Variants in CNTNAP2 observed in about 807,000 individuals in gnomAD.
CNTNAP2 encodes the protein contactin-associated protein-like 2.
Under a neutral mutation model 155.2 loss-of-function variants are expected in CNTNAP2, and 98 were observed. That is an observed-to-expected ratio of 0.63 (90% CI 0.54 to 0.75). The LOEUF is 0.75. Ranked by LOEUF, CNTNAP2 falls within the 30% of genes least tolerant of loss-of-function variation. The pLI, the probability that CNTNAP2 is intolerant of heterozygous loss-of-function variation, is 0.00. For synonymous variants in CNTNAP2, 651 were observed against 631.2 expected (o/e 1.03, Z -0.47); for missense variants, 1,727 against 1,688.1 (o/e 1.02, Z -0.40).
chr7:146,439,170 G>T (rs1796284966), intron 1 of CNTNAP2, among the ~76,000 whole-genome samples: 2 of 151,390 alleles, frequency 1.3e-5, no homozygotes, highest in Admixed American at 1.3e-4. Context: ...CAGAGAAGGG[G>T]ACTATGTATC....
At chr7:148,084,190 A>G (rs1162449541) in intron 15 of CNTNAP2, among the ~76,000 whole-genome samples, 2 of 152,220 alleles carry the variant, frequency 1.3e-5, no homozygotes, top group Non-Finnish European at 2.9e-5. Flanking sequence ...TAATGCGTTC[A>G]TTACTCTAGA....
At chr7:147,884,898 G>C (rs1046184827) in intron 13 of CNTNAP2, among the ~76,000 whole-genome samples, 1 of 136,040 alleles carries the variant, frequency 7.4e-6, no homozygotes, top group Non-Finnish European at 1.6e-5. Context: ...CCAGTTTGAT[G>C]TGTTATAAAC....
chr7:146,307,998 GCTT>G (rs1246971194), intron 1 of CNTNAP2, among the ~76,000 whole-genome samples: 3 of 152,108 alleles, frequency 2.0e-5, no homozygotes, highest in African/African-American at 4.8e-5. Context: ...AAACTAAAGA[GCTT>G]CTGCACAGCA....
In CNTNAP2 at chr7:147,248,535, G is replaced by A. The variant is rs928574497; in HGVS notation, c.1349-51606G>A. Among the ~76,000 whole-genome samples the A allele has an allele frequency of 3.3e-5, 5 of 152,300 alleles. No homozygotes were observed. In the South Asian group the frequency reaches 8.3e-4, roughly 25 times the overall value. ...ATTTTCTGTAACAAAAGGGTTTGAT[G>A]AGTTACTTTTCTTGTGACCAAACTC... On this transcript the variant is annotated intron_variant, in intron 8 of 23. Transcript: ENST00000361727.
intron 2 of CNTNAP2, among the ~76,000 whole-genome samples, chr7:146,824,105 CA>C (rs1803352512): frequency 6.6e-6 from 1 of 152,076 alleles, no homozygotes; most frequent in Non-Finnish European, 1.5e-5. Context: ...TCTCATTTTT[CA>C]GCTCCCACTT....
chr7:147,034,442 G>A (rs78899414), intron 3 of CNTNAP2, among the ~76,000 whole-genome samples: 8,616 of 152,194 alleles, frequency 0.057, 330 homozygotes, highest in Middle Eastern at 0.13. Flanking sequence ...CCATGGCGGT[G>A]TCTAGGGTTT....
chr7:146,901,236 C>G (rs549920770), intron 3 of CNTNAP2, among the ~76,000 whole-genome samples: 1 of 151,970 alleles, frequency 6.6e-6, no homozygotes, highest in Non-Finnish European at 1.5e-5. Context: ...TTAATTCACC[C>G]GAGCCTCAAC....
At chr7:146,707,645 T>G (rs145709717) in intron 1 of CNTNAP2, among the ~76,000 whole-genome samples, 2 of 152,184 alleles carry the variant, frequency 1.3e-5, no homozygotes, top group Non-Finnish European at 2.9e-5. Context: ...TCTTTAAATT[T>G]TTAGTTCAAC....
rs368254011 is a variant in CNTNAP2 at position 146,601,962 on chromosome 7, A to G, written c.98-172309A>G. Among the ~76,000 whole-genome samples the G allele has an allele frequency of 4.6e-5, 7 of 152,264 alleles. No individual in the cohort carries two copies. In the East Asian group the frequency reaches 1.2e-3, roughly 25 times the overall value. ...TTTAAAGAAAGTAAAAAAAATAAAT[A>G]AATAAAGATTGAACCCAAATGGATG... On this transcript the variant is annotated intron_variant, in intron 1 of 23. Transcript: ENST00000361727.
chr7:146,765,999 C>A (rs1802188187), intron 1 of CNTNAP2, among the ~76,000 whole-genome samples: 2 of 152,010 alleles, frequency 1.3e-5, no homozygotes, highest in East Asian at 3.9e-4. Context: ...GAGATATCTT[C>A]AGGGCCAGAC....
intron 1 of CNTNAP2, among the ~76,000 whole-genome samples, chr7:146,669,341 A>C (rs559900247): frequency 7.2e-5 from 11 of 152,270 alleles, no homozygotes; most frequent in Admixed American, 2.6e-4. Context: ...TCTGAATAGA[A>C]ACCTATTTAA....
chr7:146,224,321 T>G (rs2116902246), intron 1 of CNTNAP2, among the ~76,000 whole-genome samples: 1 of 152,210 alleles, frequency 6.6e-6, no homozygotes, highest in Non-Finnish European at 1.5e-5. Flanking sequence ...TTATAAGATG[T>G]TATAATTGAC....
intron 1 of CNTNAP2, among the ~76,000 whole-genome samples, chr7:146,611,969 A>C (rs1228357658): frequency 6.6e-6 from 1 of 152,176 alleles, no homozygotes; most frequent in Non-Finnish European, 1.5e-5. Context: ...TATACATAAC[A>C]TATAAAAGGT....
chr7:148,328,114 C>A (rs1189436681), intron 21 of CNTNAP2, among the ~76,000 whole-genome samples: 5 of 152,208 alleles, frequency 3.3e-5, no homozygotes, highest in African/African-American at 9.7e-5. Flanking sequence ...CAGATGAGAA[C>A]ACGCAGAGGC....
At position 147,251,995 on chromosome 7, in the gene CNTNAP2, G is replaced by A. The variant is rs374819920; in HGVS notation, c.1349-48146G>A. Among the ~76,000 whole-genome samples the A allele has an allele frequency of 9.8e-4, 149 of 152,166 alleles. 1 individual carries two copies. The highest frequency in any genetic ancestry group is 3.4e-3 in the African/African-American group (142 of 41,538). On this transcript the variant is annotated intron_variant, in intron 8 of 23. Coordinates refer to ENST00000361727, the MANE Select transcript of CNTNAP2 (RefSeq NM_014141.6). ...AAAACAGCAAGGAGTAAGAATCTTT[G>A]GGAATATAGGAAAAAGTGCTGTATT...
chr7:148,150,978 C>T (rs1439944919), intron 17 of CNTNAP2, among the ~76,000 whole-genome samples: 1 of 152,102 alleles, frequency 6.6e-6, no homozygotes, highest in Non-Finnish European at 1.5e-5. Flanking sequence ...CCTCAGCCTC[C>T]CAAAGGGCCG....
At chr7:148,060,729 T>C (rs539952190) in intron 15 of CNTNAP2, among the ~76,000 whole-genome samples, 46 of 152,224 alleles carry the variant, frequency 3.0e-4, no homozygotes, top group Non-Finnish European at 6.0e-4. Flanking sequence ...AAATTAAGGC[T>C]TATAAATTAG....
At chr7:147,796,370 A>G (rs1797895364) in intron 13 of CNTNAP2, among the ~76,000 whole-genome samples, 1 of 152,200 alleles carries the variant, frequency 6.6e-6, no homozygotes, top group African/African-American at 2.4e-5. Context: ...ATTAATGACA[A>G]TTGAAGGAAG....
chr7:146,592,613 G>C (rs1563148404), intron 1 of CNTNAP2, among the ~76,000 whole-genome samples: 2 of 152,082 alleles, frequency 1.3e-5, no homozygotes, highest in Non-Finnish European at 2.9e-5. Context: ...AAATATTATT[G>C]TGAACAGATC....
Sources: gnomAD v4.1 joint callset for allele counts (sites outside exome capture counted in the v4.1 genomes callset) on GRCh38, gnomAD v4.1.1 for gene constraint, MANE v1.5 for transcripts, NCBI Gene and HGNC (gene_info 2026-07-23, HGNC 2026-07-21) for gene names.